The following SLC9A9 variants were observed in gnomAD, a reference collection of about 807,000 sequenced individuals.
SLC9A9 encodes solute carrier family 9 member A9.
A neutral mutation model predicts 77.8 loss-of-function variants in SLC9A9; 62 were observed. That is an observed-to-expected ratio of 0.80 (90% confidence interval 0.65 to 0.98). The LOEUF (loss-of-function observed/expected upper bound fraction) is 0.98. Ranked by LOEUF, SLC9A9 falls within the 50% of genes least tolerant of loss-of-function variation. The probability of loss-of-function intolerance (pLI) is 0.00; values close to 1 mark genes in which losing one functional copy is unlikely to be tolerated. For missense variants in SLC9A9, 775 were observed against 774.9 expected (o/e 1.00, Z 0.00); for synonymous variants, 320 against 283.5 (o/e 1.13, Z -1.29).
At chr3:143,318,003 AGGCCTGAGCCACCGTGCCC>A (rs2031284300) in intron 14 of SLC9A9, among the ~76,000 whole-genome samples, 1 of 152,180 alleles carries the variant, frequency 6.6e-6, no homozygotes, top group African/African-American at 2.4e-5. Flanking sequence ...CTGGGATTAC[AGGCCTGAGCCACCGTGCCC>A]GGCCTCATTT....
intron 14 of SLC9A9, among the ~76,000 whole-genome samples, chr3:143,348,771 T>C (rs1388906479): frequency 1.3e-5 from 2 of 152,226 alleles, no homozygotes; most frequent in Non-Finnish European, 2.9e-5. Context: ...AATCATGGGT[T>C]GTCAAGGTCT....
At chr3:143,476,413 G>T (rs1163054640) in intron 11 of SLC9A9, among the ~76,000 whole-genome samples, 1 of 152,218 alleles carries the variant, frequency 6.6e-6, no homozygotes, top group Non-Finnish European at 1.5e-5. Flanking sequence ...GTAAAGAGAA[G>T]TTTGTTTTTA....
chr3:143,330,085 T>G (rs1003370801), intron 14 of SLC9A9, among the ~76,000 whole-genome samples: 1 of 152,086 alleles, frequency 6.6e-6, no homozygotes, highest in African/African-American at 2.4e-5. Flanking sequence ...AGACTCCTGG[T>G]GGAGGAGACA....
rs1488302818 is a variant in SLC9A9, at chr3:143,848,269, A to T, written c.54T>A (p.His18Gln). ...AGACAAGCAGCTCCACCGCTCCCTG[A>T]TGTTGAAACTGATACTCATCCTTTT... ...MSEKDEYQFQ[H>Q]QGAVELLVFN... Residue 18 changes from histidine to glutamine, a missense_variant, in exon 1 of 16, where the codon CAT becomes CAA. Physicochemically the swap from His to Gln is conservative, Grantham distance 24 (BLOSUM62 0). Coordinates refer to ENST00000316549, the MANE Select transcript of SLC9A9 (RefSeq NM_173653.4). 1 of 1,614,042 alleles carries T rather than the reference A, an allele frequency of 6.2e-7. No individual in the cohort carries two copies.
intron 4 of SLC9A9, among the ~76,000 whole-genome samples, chr3:143,759,239 C>T (rs1003728673): frequency 3.3e-5 from 5 of 152,006 alleles, no homozygotes; most frequent in Admixed American, 2.6e-4. Context: ...CATGACATCC[C>T]CAAGAGTGGG....
intron 12 of SLC9A9, among the ~76,000 whole-genome samples, chr3:143,438,374 T>C (rs1331020524): frequency 1.3e-5 from 2 of 152,210 alleles, no homozygotes; most frequent in African/African-American, 2.4e-5. Context: ...CCCAGAGTTC[T>C]GTGTTTAAGG....
intron 8 of SLC9A9, among the ~76,000 whole-genome samples, chr3:143,556,318 G>A (rs1007488305): frequency 6.6e-6 from 1 of 152,204 alleles, no homozygotes; most frequent in African/African-American, 2.4e-5. Flanking sequence ...CAGTGTCTCA[G>A]CTCCAAACCC....
chr3:143,286,913 A>T (rs1938396625), intron 14 of SLC9A9, among the ~76,000 whole-genome samples: 2 of 152,200 alleles, frequency 1.3e-5, no homozygotes, highest in South Asian at 4.1e-4. Context: ...GGAATCTTAA[A>T]GCAAAATGAG....
chr3:143,693,432 C>G, intron 4 of SLC9A9, 125 bp from the exon 5 acceptor site: 2 of 758,506 alleles, frequency 2.6e-6, no homozygotes, highest in South Asian at 3.0e-5. Flanking sequence ...ACCATCCTGC[C>G]AAATGACAGC....
chr3:143,614,721 C>T (rs1156872624), intron 6 of SLC9A9, among the ~76,000 whole-genome samples: 2 of 152,112 alleles, frequency 1.3e-5, no homozygotes, highest in Non-Finnish European at 2.9e-5. Flanking sequence ...GATGGGGAAT[C>T]GAATGAACAA....
chr3:143,312,628 A>T (rs960888443), intron 14 of SLC9A9, among the ~76,000 whole-genome samples: 1 of 152,226 alleles, frequency 6.6e-6, no homozygotes, highest in African/African-American at 2.4e-5. Context: ...GTAATTTTCT[A>T]CACCTTCCTT....
intron 4 of SLC9A9, among the ~76,000 whole-genome samples, chr3:143,724,458 A>ATG (rs1491587573): frequency 6.6e-6 from 1 of 152,180 alleles, no homozygotes; most frequent in African/African-American, 2.4e-5. Context: ...ACTAACACAC[A>ATG]TGTCTTCATT....
At chr3:143,472,127 A>G (rs1038699953) in intron 11 of SLC9A9, among the ~76,000 whole-genome samples, 1 of 152,242 alleles carries the variant, frequency 6.6e-6, no homozygotes, top group Admixed American at 6.5e-5. Flanking sequence ...AACTAAAAGC[A>G]TTTCCTGAGC....
At chr3:143,292,869 A>G (rs2108419166) in intron 14 of SLC9A9, among the ~76,000 whole-genome samples, 1 of 152,260 alleles carries the variant, frequency 6.6e-6, no homozygotes, top group Admixed American at 6.5e-5. Flanking sequence ...TTCTGGCTGT[A>G]GCGTAGGTGG....
At chr3:143,657,067 A>G (rs1471511720) in intron 5 of SLC9A9, among the ~76,000 whole-genome samples, 1 of 152,102 alleles carries the variant, frequency 6.6e-6, no homozygotes, top group Non-Finnish European at 1.5e-5. Context: ...AAATATGGGA[A>G]TTATTTTGAG....
At chr3:143,366,622 T>C (rs2032909519) in intron 13 of SLC9A9, among the ~76,000 whole-genome samples, 1 of 151,450 alleles carries the variant, frequency 6.6e-6, no homozygotes, top group African/African-American at 2.4e-5. Context: ...CAGTAATAGC[T>C]ATACTTGAAC....
chr3:143,425,891 A>T (rs1360606999), intron 12 of SLC9A9, among the ~76,000 whole-genome samples: 1 of 152,082 alleles, frequency 6.6e-6, no homozygotes, highest in Admixed American at 6.6e-5. Flanking sequence ...GAAAAACTCC[A>T]TCTGGAGCTG....
chr3:143,840,887 T>C (rs1294849049), intron 1 of SLC9A9, among the ~76,000 whole-genome samples: 1 of 152,242 alleles, frequency 6.6e-6, no homozygotes, highest in African/African-American at 2.4e-5. Flanking sequence ...TTTCCTTATA[T>C]GCAAACTAAA....
At chr3:143,788,739 C>T (rs1219012814) in intron 4 of SLC9A9, among the ~76,000 whole-genome samples, 1 of 140,266 alleles carries the variant, frequency 7.1e-6, no homozygotes, top group Non-Finnish European at 1.5e-5. Context: ...ATACTTCATA[C>T]ATGCATAAGC....
Sources: gnomAD v4.1 joint callset for allele counts (sites outside exome capture counted in the v4.1 genomes callset) on GRCh38, gnomAD v4.1.1 for gene constraint, MANE v1.5 for transcripts, NCBI Gene and HGNC (gene_info 2026-07-23, HGNC 2026-07-21) for gene names.